ASZ1: variants seen among roughly 807,000 people sequenced by gnomAD.
ASZ1 encodes ankyrin repeat, SAM and basic leucine zipper domain containing 1.
Under a neutral mutation model 61.8 loss-of-function variants are expected in ASZ1, and 67 were observed. The ratio of observed to expected loss-of-function variants is 1.08; its 90% CI spans 0.89 to 1.33. The LOEUF (loss-of-function observed/expected upper bound fraction) is 1.33. Among genes scored for constraint, ASZ1 ranks in the 40% most tolerant of loss-of-function variants. The pLI, the probability that ASZ1 is intolerant of heterozygous loss-of-function variation, is 0.00. For missense variants in ASZ1, 577 were observed against 554.5 expected (o/e 1.04, Z -0.41); for synonymous variants, 193 against 192.7 (o/e 1.00, Z -0.01).
At chr7:117,386,117 T>A (rs115617352) in intron 4 of ASZ1, among the ~76,000 whole-genome samples, 3,188 of 152,228 alleles carry the variant, frequency 0.021, 109 homozygotes, top group African/African-American at 0.073. Context: ...TAGAAAATTA[T>A]CAGTGTACCC....
At chr7:117,368,754 T>C (rs2116445830) in intron 10 of ASZ1, 37 bp from the exon 11 acceptor site, 1 of 1,604,448 alleles carries the variant, frequency 6.2e-7, no homozygotes, top group Non-Finnish European at 8.5e-7. Context: ...CAGGAATTAC[T>C]AATAAGAGCA....
At chr7:117,393,758 T>C (rs866054778) in intron 4 of ASZ1, among the ~76,000 whole-genome samples, 1 of 152,194 alleles carries the variant, frequency 6.6e-6, no homozygotes, top group Non-Finnish European at 1.5e-5. Flanking sequence ...ATTTTTGCAC[T>C]TTCTGTTTAT....
At chr7:117,368,529 C>A in intron 11 of ASZ1, 83 bp downstream of exon 11, 2 of 1,527,974 alleles carry the variant, frequency 1.3e-6, no homozygotes, top group East Asian at 2.3e-5. Context: ...CAAATCAATA[C>A]TATTTATTGA....
chr7:117,398,067 T>C (rs560456046), intron 4 of ASZ1, among the ~76,000 whole-genome samples: 1 of 152,386 alleles, frequency 6.6e-6, no homozygotes, highest in East Asian at 1.9e-4. Context: ...TTCTCTGTAC[T>C]AAAGGTAAAA....
chr7:117,378,868 C>A (rs571426571), intron 10 of ASZ1, among the ~76,000 whole-genome samples: 4 of 151,754 alleles, frequency 2.6e-5, no homozygotes, highest in African/African-American at 9.6e-5. Context: ...AACTATTGTA[C>A]TGATACATGC....
chr7:117,369,009 A>G (rs1386000624), intron 10 of ASZ1, among the ~76,000 whole-genome samples: 1 of 152,194 alleles, frequency 6.6e-6, no homozygotes, highest in Non-Finnish European at 1.5e-5. Flanking sequence ...TTGAGTAGCT[A>G]CTATGTGAAG....
At chr7:117,378,096 G>T (rs1427359594) in intron 10 of ASZ1, among the ~76,000 whole-genome samples, 1 of 152,020 alleles carries the variant, frequency 6.6e-6, no homozygotes, top group Non-Finnish European at 1.5e-5. Context: ...AAAAAGCACA[G>T]GAGAAAATCT....
At chr7:117,366,245 T>C (rs1795933759) in intron 12 of ASZ1, among the ~76,000 whole-genome samples, 2 of 151,854 alleles carry the variant, frequency 1.3e-5, no homozygotes, top group Admixed American at 1.3e-4. Context: ...GCCTGGGCAA[T>C]GGAGTGAGAC....
chr7:117,387,139 C>T (rs569145993), intron 4 of ASZ1, among the ~76,000 whole-genome samples: 1 of 129,146 alleles, frequency 7.7e-6, no homozygotes, highest in East Asian at 2.3e-4. Flanking sequence ...GCCTCTACCT[C>T]TACTTAAAAA....
chr7:117,406,677 C>T (rs1040648854), intron 4 of ASZ1, among the ~76,000 whole-genome samples: 9 of 151,620 alleles, frequency 5.9e-5, no homozygotes, highest in Non-Finnish European at 1.3e-4. Flanking sequence ...CTCTTGAACC[C>T]GGGAGGCGGA....
intron 10 of ASZ1, among the ~76,000 whole-genome samples, chr7:117,376,774 G>A (rs116543342): frequency 1.8e-3 from 277 of 152,066 alleles, no homozygotes; most frequent in African/African-American, 6.4e-3. Context: ...AATGAATAGC[G>A]CATAACTTCC....
intron 2 of ASZ1, among the ~76,000 whole-genome samples, chr7:117,424,674 ACTC>A (rs1797162426): frequency 6.6e-6 from 1 of 152,122 alleles, no homozygotes; most frequent in African/African-American, 2.4e-5. Flanking sequence ...TAGTCCCACT[ACTC>A]CTAAGGCAAA....
chr7:117,379,900 A>T, intron 10 of ASZ1, 38 bp downstream of exon 10: 1 of 1,312,626 alleles, frequency 7.6e-7, no homozygotes, highest in Non-Finnish European at 1.1e-6. Flanking sequence ...ATTGGTTCTT[A>T]ACACTATTAA....
At chr7:117,395,139 T>C (rs1796553067) in intron 4 of ASZ1, among the ~76,000 whole-genome samples, 1 of 152,224 alleles carries the variant, frequency 6.6e-6, no homozygotes, top group Non-Finnish European at 1.5e-5. Flanking sequence ...GTAATGCAGA[T>C]TTTAGGTATT....
At position 117,426,693 on chromosome 7, in the gene ASZ1, C is replaced by G. The variant is rs1171787418; in HGVS notation, c.205+143G>C. 11 of 730,490 alleles carry G rather than the reference C, an allele frequency of 1.5e-5. No homozygotes were observed. In the East Asian group the frequency reaches 2.9e-4, roughly 19 times the overall value. The allele number at this position is 730,490 out of a possible 1,614,324, so 45.3% of individuals were successfully genotyped here. On this transcript the variant is annotated intron_variant, in intron 2 of 12. Transcript: ENST00000284629. ...GAGGAAGAAAATAAGGCAGACTGGA[C>G]TCAGTCAACGAAGATTATGCAGGAT...
At chr7:117,379,133 TTATATATATA>T (rs370500034) in intron 10 of ASZ1, among the ~76,000 whole-genome samples, 5 of 104,658 alleles carry the variant, frequency 4.8e-5, no homozygotes, top group East Asian at 3.6e-4. Flanking sequence ...TGTGATAAAA[TTATATATATA>T]TATATATATA....
intron 3 of ASZ1, 117 bp downstream of exon 3, chr7:117,422,120 T>C: frequency 6.3e-6 from 7 of 1,111,636 alleles, no homozygotes; most frequent in Non-Finnish European, 7.6e-6. Flanking sequence ...TTACATAGTA[T>C]AATGAATAGA....
chr7:117,396,731 CTTT>C (rs1028381541), intron 4 of ASZ1, among the ~76,000 whole-genome samples: 19 of 152,078 alleles, frequency 1.2e-4, no homozygotes, highest in African/African-American at 4.3e-4. Flanking sequence ...TGTAAGACTT[CTTT>C]AAGTGGATCT....
At position 117,368,601 on chromosome 7, in the gene ASZ1, T is replaced by C; in HGVS notation, c.1161+11A>G. The C allele has an allele frequency of 6.2e-7, 1 of 1,609,212 alleles. No homozygotes were observed. The highest frequency in any genetic ancestry group is 8.5e-7 in the Non-Finnish European group (1 of 1,178,344). On this transcript the variant is annotated intron_variant, in intron 11 of 12. Transcript: ENST00000284629. ...CATACTTTTCTTCACTTAATAACTT[T>C]TGTAGAATACCTTTTGAGAATTTAC...
Sources: gnomAD v4.1 joint callset for allele counts (sites outside exome capture counted in the v4.1 genomes callset) on GRCh38, gnomAD v4.1.1 for gene constraint, MANE v1.5 for transcripts, NCBI Gene and HGNC (gene_info 2026-07-23, HGNC 2026-07-21) for gene names.